DCDC2C: variants seen among roughly 807,000 people sequenced by gnomAD.
DCDC2C encodes doublecortin domain containing 2C.
A neutral mutation model predicts 45.0 loss-of-function variants in DCDC2C; 44 were observed. The ratio of observed to expected loss-of-function variants is 0.98; its 90% CI spans 0.77 to 1.26. The LOEUF (loss-of-function observed/expected upper bound fraction) is 1.26. Ranked by LOEUF, DCDC2C falls within the 50% of genes most tolerant of loss-of-function variation. The probability of loss-of-function intolerance (pLI) is 0.00; values close to 1 mark genes in which losing one functional copy is unlikely to be tolerated. For missense variants in DCDC2C, 447 were observed against 468.9 expected (o/e 0.95, Z 0.43); for synonymous variants, 187 against 178.8 (o/e 1.05, Z -0.37).
At chr2:3,731,684 G>T (rs1668871887) in intron 3 of DCDC2C, among the ~76,000 whole-genome samples, 4 of 152,178 alleles carry the variant, frequency 2.6e-5, no homozygotes, top group Admixed American at 2.0e-4. Context: ...AGGGAGTTTG[G>T]CCCTTACACT....
intron 2 of DCDC2C, among the ~76,000 whole-genome samples, chr2:3,724,076 C>T (rs1419452049): frequency 1.3e-5 from 2 of 152,152 alleles, no homozygotes; most frequent in Non-Finnish European, 1.5e-5. Context: ...GAAATGTTCT[C>T]ATTGTTATCT....
chr2:3,756,898 A>T (rs1348834983), intron 6 of DCDC2C, among the ~76,000 whole-genome samples: 1 of 152,034 alleles, frequency 6.6e-6, no homozygotes, highest in Non-Finnish European at 1.5e-5. Flanking sequence ...TGATCGCCTT[A>T]TTTATTTTAG....
chr2:3,795,503 C>T (rs12995223), intron 10 of DCDC2C, among the ~76,000 whole-genome samples: 9 of 127,392 alleles, frequency 7.1e-5, no homozygotes, highest in Admixed American at 6.4e-4. Context: ...GGTTTTAGGT[C>T]TAATGTTTAA....
intron 10 of DCDC2C, among the ~76,000 whole-genome samples, chr2:3,846,446 G>T (rs1302585038): frequency 1.3e-5 from 2 of 152,004 alleles, no homozygotes; most frequent in African/African-American, 4.8e-5. Context: ...GAGAGAGGGA[G>T]TCTTACTATG....
At chr2:3,769,684 T>A (rs1052095307) in intron 8 of DCDC2C, among the ~76,000 whole-genome samples, 1 of 152,214 alleles carries the variant, frequency 6.6e-6, no homozygotes, top group South Asian at 2.1e-4. Flanking sequence ...GATGATTGTG[T>A]CTGTCCCCTC....
rs144432895 is a variant in DCDC2C, at chr2:3,735,319, T to C, written c.417-6601T>C. ...AGGGTACCCGTGCACAATGTGCAGG[T>C]TTGTTACATATGTATACATGTGCCA... On this transcript the variant is annotated intron_variant, in intron 3 of 10. Coordinates refer to ENST00000399143, the MANE Select transcript of DCDC2C (RefSeq NM_001287444.2). Among the ~76,000 whole-genome samples, 270 of 152,136 alleles carry C rather than the reference T, an allele frequency of 1.8e-3. 1 individual carries two copies. The highest frequency in any genetic ancestry group is 6.2e-3 in the African/African-American group (258 of 41,474).
At chr2:3,806,565 T>C (rs80202755) in intron 10 of DCDC2C, among the ~76,000 whole-genome samples, 18,978 of 148,336 alleles carry the variant, frequency 0.13, 1,394 homozygotes, top group East Asian at 0.29. Context: ...TTTTTTGAGA[T>C]GGAGTCTCTC....
chr2:3,817,265 C>T (rs552364479), intron 10 of DCDC2C, among the ~76,000 whole-genome samples: 1 of 152,282 alleles, frequency 6.6e-6, no homozygotes, highest in African/African-American at 2.4e-5. Context: ...GTAAAGCGGC[C>T]TTGAGAAGAG....
At chr2:3,766,716 A>G (rs4849987) in intron 6 of DCDC2C, among the ~76,000 whole-genome samples, 112,602 of 152,026 alleles carry the variant, frequency 0.74, 41,856 homozygotes, top group South Asian at 0.83. Context: ...AGAGAGCTCG[A>G]GAGAAATACC....
intron 2 of DCDC2C, among the ~76,000 whole-genome samples, chr2:3,715,621 T>C (rs1668331884): frequency 1.3e-5 from 2 of 152,208 alleles, no homozygotes; most frequent in South Asian, 4.2e-4. Context: ...CAATTTAATC[T>C]GAATGCTTGT....
intron 10 of DCDC2C, among the ~76,000 whole-genome samples, chr2:3,793,692 C>G (rs1486430796): frequency 6.6e-6 from 1 of 152,206 alleles, no homozygotes; most frequent in African/African-American, 2.4e-5. Context: ...TTCCAAATAG[C>G]AGGCATCCAG....
chr2:3,756,345 G>T lies in DCDC2C; in HGVS notation c.726+1711G>T, dbSNP rs148078380. The stretch of plus-strand genomic sequence containing the variant: ...ACTCTTTCCAGTGCCTGTCTGCCTG[G>T]CTCACTGGCTCAAGTCCCCTCCCTA... On this transcript the variant is annotated intron_variant, in intron 6 of 10. Transcript: ENST00000399143. 3.0e-3 allele frequency among the ~76,000 whole-genome samples: 454 copies of T among 152,192 alleles called. 3 individuals are homozygous for T. The highest frequency in any genetic ancestry group is 0.01 in the African/African-American group (435 of 41,496).
rs949876898 is a variant in DCDC2C, at chr2:3,708,433, A to G, written c.288-116A>G. On this transcript the variant is annotated intron_variant, in intron 1 of 10. Transcript: ENST00000399143. ...CGAGAAAATTTTAGATCCTAGTTCC[A>G]AATTGCTGTGGGGTTGTATCTATTA... 1.3e-5 allele frequency: 9 copies of G among 708,646 alleles called. No homozygotes were observed. In the African/African-American group the frequency reaches 1.5e-4, roughly 11 times the overall value. The allele number at this position is 708,646 out of a possible 1,614,324, so 43.9% of individuals were successfully genotyped here. A position where few individuals can be genotyped will look rare whatever the true frequency, so the allele number is the denominator to read the frequency against.
intron 10 of DCDC2C, among the ~76,000 whole-genome samples, chr2:3,836,600 C>T (rs1242876725): frequency 6.6e-6 from 1 of 152,072 alleles, no homozygotes; most frequent in Non-Finnish European, 1.5e-5. Context: ...CGGTGGCTCA[C>T]GCCTGTAATC....
intron 3 of DCDC2C, among the ~76,000 whole-genome samples, chr2:3,735,783 A>G (rs1181159019): frequency 6.6e-6 from 1 of 151,726 alleles, no homozygotes; most frequent in Non-Finnish European, 1.5e-5. Context: ...TAGTGTTAGC[A>G]TTAGGCACCA....
At chr2:3,816,708 G>A (rs10194282) in intron 10 of DCDC2C, among the ~76,000 whole-genome samples, 42,042 of 152,114 alleles carry the variant, frequency 0.28, 5,980 homozygotes, top group South Asian at 0.37. Context: ...CACTTTAAGA[G>A]AGACTTAAGG....
intron 3 of DCDC2C, 107 bp from the exon 4 acceptor site, chr2:3,741,812 GT>G (rs1325790663): frequency 6.7e-6 from 8 of 1,199,560 alleles, no homozygotes; most frequent in Non-Finnish European, 9.2e-6. Context: ...AGGCTGCTTA[GT>G]GCATCTCATT....
chr2:3,711,920 G>A lies in DCDC2C; in HGVS notation c.339+3320G>A, dbSNP rs113513128. Among the ~76,000 whole-genome samples the A allele has an allele frequency of 9.6e-3, 1,462 of 152,350 alleles. 25 individuals carry two copies. Among genetic ancestry groups the A allele is most frequent in the African/African-American group, 0.033 (1,373 of 41,572 alleles). Reference sequence around the variant, plus strand: ...CCTCTGGGGTCGTGGGGATGGAGCAGTATCATGTCAGCGTGCGTGGCCTGG... The same window carrying A: ...CCTCTGGGGTCGTGGGGATGGAGCAATATCATGTCAGCGTGCGTGGCCTGG... On this transcript the variant is annotated intron_variant, in intron 2 of 10. Coordinates refer to ENST00000399143, the MANE Select transcript of DCDC2C (RefSeq NM_001287444.2).
chr2:3,846,896 G>C (rs1404186589), intron 10 of DCDC2C, among the ~76,000 whole-genome samples: 2 of 152,222 alleles, frequency 1.3e-5, no homozygotes, highest in Admixed American at 6.5e-5. Flanking sequence ...GTGGCCACCA[G>C]CACTGCACAA....
Sources: gnomAD v4.1 joint callset for allele counts (sites outside exome capture counted in the v4.1 genomes callset) on GRCh38, gnomAD v4.1.1 for gene constraint, MANE v1.5 for transcripts, NCBI Gene and HGNC (gene_info 2026-07-23, HGNC 2026-07-21) for gene names.